ZNF341: variants seen among roughly 807,000 people sequenced by gnomAD.
ZNF341 encodes the protein zinc finger protein 341.
A neutral mutation model predicts 87.7 loss-of-function variants in ZNF341; 52 were observed. The ratio of observed to expected loss-of-function variants is 0.59; its 90% CI spans 0.47 to 0.75. The LOEUF (loss-of-function observed/expected upper bound fraction) is 0.75. Ranked by LOEUF, ZNF341 falls within the 30% of genes least tolerant of loss-of-function variation. The pLI is 0.00. For missense variants in ZNF341, 977 were observed against 1,145.9 expected, an observed-to-expected ratio of 0.85 and a Z score of 2.13; for synonymous variants, 459 against 472.7, an observed-to-expected ratio of 0.97 and a Z score of 0.38.
chr20:33,755,203 C>T (rs1185143889), intron 5 of ZNF341, among the ~76,000 whole-genome samples: 2 of 152,210 alleles, frequency 1.3e-5, no homozygotes, highest in African/African-American at 4.8e-5. Context: ...CCTTGGCCTC[C>T]CAAAGTGCTG....
At position 33,742,911 on chromosome 20, in the gene ZNF341, C is replaced by G. The variant is rs76103317; in HGVS notation, c.142+1899C>G. 5.8e-3 allele frequency among the ~76,000 whole-genome samples: 880 copies of G among 152,290 alleles called. 7 individuals carry two copies. The highest frequency in any genetic ancestry group is 8.1e-3 in the Non-Finnish European group (550 of 68,044). On this transcript the variant is annotated intron_variant, in intron 2 of 14. Coordinates refer to ENST00000375200, the MANE Select transcript of ZNF341 (RefSeq NM_001282933.2). Reference sequence around the variant, plus strand: ...TATTTAACTATGAAGCCATGTTTCCCACTGAAATTTGTATTATTGTATAAG... The same window carrying G: ...TATTTAACTATGAAGCCATGTTTCCGACTGAAATTTGTATTATTGTATAAG...
intron 1 of ZNF341, among the ~76,000 whole-genome samples, chr20:33,733,339 C>A (rs886727129): frequency 1.3e-5 from 2 of 151,058 alleles, no homozygotes; most frequent in South Asian, 4.1e-4. Context: ...TCTGCTTCTT[C>A]TGCCTCAGCC....
intron 10 of ZNF341, among the ~76,000 whole-genome samples, chr20:33,780,287 G>A (rs1451461429): frequency 1.3e-5 from 2 of 152,180 alleles, no homozygotes; most frequent in Non-Finnish European, 2.9e-5. Flanking sequence ...AGCAGAGTGA[G>A]TGAGGTGGAG....
chr20:33,782,426 C>G (rs1248879008), intron 11 of ZNF341, among the ~76,000 whole-genome samples: 1 of 152,198 alleles, frequency 6.6e-6, no homozygotes, highest in Non-Finnish European at 1.5e-5. Flanking sequence ...GTGTGTTTAA[C>G]TTGCTTCTTC....
In ZNF341 at chr20:33,789,595, G is replaced by A. The variant is rs1319906091; in HGVS notation, c.2035+7G>A. ...CACATCCTCTCCCACTCTGGTAAGTGGCTCTTGGGCCTGCTAAGAGGGTCT... is the reference window on the plus strand; with the variant it reads ...CACATCCTCTCCCACTCTGGTAAGTAGCTCTTGGGCCTGCTAAGAGGGTCT... On this transcript the variant is annotated splice_region_variant and intron_variant, in intron 14 of 14. Transcript: ENST00000375200. 30 of 1,614,002 alleles carry A rather than the reference G, an allele frequency of 1.9e-5. No homozygotes were observed. Among genetic ancestry groups the A allele is most frequent in the Non-Finnish European group, 2.2e-5 (26 of 1,180,024 alleles).
At chr20:33,789,992 C>G (rs1371332753) in intron 14 of ZNF341, among the ~76,000 whole-genome samples, 1 of 152,182 alleles carries the variant, frequency 6.6e-6, no homozygotes, top group African/African-American at 2.4e-5. Flanking sequence ...TCAGAGCAGC[C>G]TGGCTGGCTT....
At position 33,791,526 on chromosome 20, in the gene ZNF341, A is replaced by C. The variant is rs761274687; in HGVS notation, c.*9A>C. 1 of 1,537,184 alleles carries C rather than the reference A, an allele frequency of 6.5e-7. No individual in the cohort carries two copies. Among genetic ancestry groups the C allele is most frequent in the South Asian group, 1.2e-5 (1 of 82,494 alleles). ...TCCAGGCCTCCGAGTGACGGACCTG[A>C]GGTGTCTGTTTCCTGGGCAGGCCTG... On this transcript the variant is annotated 3_prime_UTR_variant, in exon 15 of 15. Transcript: ENST00000375200.
intron 5 of ZNF341, among the ~76,000 whole-genome samples, chr20:33,754,511 G>A (rs557996484): frequency 2.0e-5 from 3 of 152,178 alleles, no homozygotes; most frequent in Admixed American, 6.5e-5. Context: ...AGGCATTCAC[G>A]TGATGTTCTG....
chr20:33,739,275 A>T (rs972794646), intron 1 of ZNF341, among the ~76,000 whole-genome samples: 1 of 152,172 alleles, frequency 6.6e-6, no homozygotes, highest in Non-Finnish European at 1.5e-5. Flanking sequence ...GCCAGAGATA[A>T]CTGGTCTGAT....
rs752524774 is a variant in ZNF341, at chr20:33,791,150, T to C, written c.2198T>C (p.Leu733Pro). The part of the protein sequence containing the change: ...HKYLKDHRCR[L>P]GPQKDKDLQT... ...TACCTCAAAGATCACCGCTGTCGTC[T>C]CGGCCCCCAAAAGGACAAGGACCTG... Residue 733 changes from leucine (L) to proline (P), a missense_variant, in exon 15 of 15, where the codon CTC becomes CCC. Leu to Pro is a moderately conservative substitution (Grantham distance 98, BLOSUM62 -3). Transcript: ENST00000375200. 7 of 1,613,088 alleles carry C rather than the reference T, an allele frequency of 4.3e-6. No homozygotes were observed. In the Admixed American group the frequency reaches 1.0e-4, roughly 23 times the overall value.
chr20:33,778,569 C>T lies in ZNF341; in HGVS notation c.1623-2722C>T, dbSNP rs145188301. Among the ~76,000 whole-genome samples, 706 of 152,276 alleles carry T rather than the reference C, an allele frequency of 4.6e-3. 5 individuals carry two copies. Among genetic ancestry groups the T allele is most frequent in the Non-Finnish European group, 4.8e-3 (328 of 68,020 alleles). ...TAAGTGATCCGCCCACCTCGGCCTC[C>T]CAAAGTGCTGGGATTACAGGCATGA... On this transcript the variant is annotated intron_variant, in intron 10 of 14. Coordinates refer to ENST00000375200, the MANE Select transcript of ZNF341 (RefSeq NM_001282933.2).
At chr20:33,776,891 C>G (rs1189734612) in intron 10 of ZNF341, among the ~76,000 whole-genome samples, 4 of 152,048 alleles carry the variant, frequency 2.6e-5, no homozygotes, top group Admixed American at 2.6e-4. Context: ...AACTCCTGGC[C>G]TCAAGTGATC....
chr20:33,789,502 T>A lies in ZNF341; in HGVS notation c.1965-16T>A. ...AGCTTGGTGAGCTCCCCCTGACCAG[T>A]GGCTTTGGGTTTTAGGACGCACACA... is the stretch of plus-strand genomic sequence containing the variant. On this transcript the variant is annotated splice_polypyrimidine_tract_variant and intron_variant, in intron 13 of 14. Coordinates refer to ENST00000375200, the MANE Select transcript of ZNF341 (RefSeq NM_001282933.2). 2.5e-6 allele frequency: 4 copies of A among 1,613,808 alleles called. No individual in the cohort carries two copies. Among genetic ancestry groups the A allele is most frequent in the East Asian group, 4.5e-5 (2 of 44,842 alleles).
rs768106445 is a variant in ZNF341 at position 33,731,997 on chromosome 20, T to TGGCGGC, written c.-23_-18dup. On this transcript the variant is annotated 5_prime_UTR_variant, in exon 1 of 15. Coordinates refer to ENST00000375200, the MANE Select transcript of ZNF341 (RefSeq NM_001282933.2). ...TCGCGTAGCCGGGCTTCGGTTCCTG[T>TGGCGGC]GGCGGCGACGGCGGCGGCTCCAAGA... The TGGCGGC allele has an allele frequency of 6.9e-7, 1 of 1,441,124 alleles. No homozygotes were observed. The highest frequency in any genetic ancestry group is 1.4e-5 in the South Asian group (1 of 73,998). 89.3% of individuals were successfully genotyped at this position (1,441,124 alleles called of 1,614,324 possible).
In ZNF341 at chr20:33,732,344, A is replaced by G. The variant is rs187479928; in HGVS notation, c.31+292A>G. On this transcript the variant is annotated intron_variant, in intron 1 of 14. Transcript: ENST00000375200. The surrounding 1 kb of genome is among the most constrained non-coding windows in gnomAD (Gnocchi z 4.5). ...GGCGGGCGCGGGAGGGGCTCCCTGC[A>G]GGGAACTGCGCGGGAGGCGACGGCG... is the stretch of plus-strand genomic sequence containing the variant. Among the ~76,000 whole-genome samples the G allele has an allele frequency of 2.7e-3, 404 of 150,416 alleles. 5 individuals are homozygous for G. The highest frequency in any genetic ancestry group is 9.6e-3 in the African/African-American group (392 of 40,990).
chr20:33,772,315 G>A (rs1206877270), intron 10 of ZNF341, among the ~76,000 whole-genome samples: 3 of 152,138 alleles, frequency 2.0e-5, no homozygotes, highest in Non-Finnish European at 4.4e-5. Flanking sequence ...CCTCCTTCCA[G>A]TTCATTAGCA....
intron 2 of ZNF341, among the ~76,000 whole-genome samples, chr20:33,744,535 G>T (rs1170025494): frequency 6.6e-6 from 1 of 152,002 alleles, no homozygotes; most frequent in Non-Finnish European, 1.5e-5. Context: ...ACTGTTTTTT[G>T]ATTTCTAATT....
intron 10 of ZNF341, among the ~76,000 whole-genome samples, chr20:33,779,272 C>G (rs893781409): frequency 6.6e-6 from 1 of 152,106 alleles, no homozygotes; most frequent in Admixed American, 6.6e-5. Context: ...TGAGAACTCA[C>G]TCACTATCCT....
intron 10 of ZNF341, among the ~76,000 whole-genome samples, chr20:33,772,037 A>AAAAAAAAAAAAAC: frequency 6.8e-6 from 1 of 147,658 alleles, no homozygotes; most frequent in Non-Finnish European, 1.5e-5. Flanking sequence ...AAAAAAAAAG[A>AAAAAAAAAAAAAC]TCTTCACGTC....
Sources: gnomAD v4.1 joint callset for allele counts (sites outside exome capture counted in the v4.1 genomes callset) on GRCh38, gnomAD v4.1.1 for gene constraint, Gnocchi (gnomAD v3.1) non-coding constraint, MANE v1.5 for transcripts, NCBI Gene and HGNC (gene_info 2026-07-23, HGNC 2026-07-21) for gene names.